Variants in CSMD1 observed in about 807,000 individuals in gnomAD.
CSMD1 encodes CUB and Sushi multiple domains 1.
CSMD1 carries 213 observed loss-of-function variants against 417.5 expected under a neutral mutation model. The observed-to-expected ratio is 0.51, with a 90% CI of 0.46 to 0.57. The LOEUF (loss-of-function observed/expected upper bound fraction) is 0.57. Ranked by LOEUF, CSMD1 falls within the 20% of genes least tolerant of loss-of-function variation. The probability of loss-of-function intolerance (pLI) is 0.00; values close to 1 mark genes in which losing one functional copy is unlikely to be tolerated. For synonymous variants in CSMD1, 2,862 were observed against 1,736.8 expected, an observed-to-expected ratio of 1.65 and a Z score of -16.11; for missense variants, 6,923 against 4,529.7, an observed-to-expected ratio of 1.53 and a Z score of -15.17.
intron 3 of CSMD1, among the ~76,000 whole-genome samples, chr8:4,207,761 A>G (rs1404695193): frequency 6.6e-6 from 1 of 152,272 alleles, no homozygotes; most frequent in African/African-American, 2.4e-5. Flanking sequence ...TCGATAATCT[A>G]CTAGGATAGC....
chr8:2,962,776 C>G (rs530319096), intron 60 of CSMD1, 137 bp from the exon 61 acceptor site: 3 of 879,278 alleles, frequency 3.4e-6, no homozygotes, highest in Non-Finnish European at 3.4e-6. Context: ...AGGCCAGGCA[C>G]GGTGGCTCAC....
chr8:3,746,343 T>C (rs938929897), intron 6 of CSMD1, among the ~76,000 whole-genome samples: 1 of 152,228 alleles, frequency 6.6e-6, no homozygotes, highest in Non-Finnish European at 1.5e-5. Flanking sequence ...CACTGCCAAG[T>C]ATTAATCTGT....
intron 7 of CSMD1, among the ~76,000 whole-genome samples, chr8:3,682,495 C>T (rs746217783): frequency 6.6e-5 from 10 of 152,252 alleles, no homozygotes; most frequent in African/African-American, 2.2e-4. Context: ...CAATGAGATA[C>T]CATCTCACAA....
rs903885381 is a variant in CSMD1, at chr8:4,161,702, C to G, written c.416-129603G>C. Among the ~76,000 whole-genome samples, 3 of 152,236 alleles carry G rather than the reference C, an allele frequency of 2.0e-5. No individual in the cohort carries two copies. The East Asian group carries it at 5.8e-4, about 29-fold the overall frequency. On this transcript the variant is annotated intron_variant, in intron 3 of 69. Coordinates refer to ENST00000635120, the MANE Select transcript of CSMD1 (RefSeq NM_033225.6). The stretch of plus-strand genomic sequence containing the variant: ...TACAATTTAGCAGAAAAATCTGCCA[C>G]GAATCATAAGAAAACCATTGCTGCC...
rs181645362 is a variant in CSMD1 at position 3,459,355 on chromosome 8, G to A, written c.1561+9357C>T. 7.2e-5 allele frequency among the ~76,000 whole-genome samples: 11 copies of A among 152,282 alleles called. No individual in the cohort carries two copies. In the East Asian group the frequency reaches 7.8e-4, roughly 11 times the overall value. On this transcript the variant is annotated intron_variant, in intron 12 of 69. Coordinates refer to ENST00000635120, the MANE Select transcript of CSMD1 (RefSeq NM_033225.6). Reference sequence around the variant, plus strand: ...GCACAGGGTACACAACACAGCGGCCGTAATATGACGGGAATCGCACGGTGG... The same window carrying A: ...GCACAGGGTACACAACACAGCGGCCATAATATGACGGGAATCGCACGGTGG...
intron 3 of CSMD1, among the ~76,000 whole-genome samples, chr8:4,166,103 C>G (rs1479447050): frequency 6.6e-6 from 1 of 152,128 alleles, no homozygotes; most frequent in Non-Finnish European, 1.5e-5. Context: ...ATGATGAGGT[C>G]ATAGAGCAGC....
chr8:3,894,910 G>C (rs962607137), intron 5 of CSMD1, among the ~76,000 whole-genome samples: 2 of 152,152 alleles, frequency 1.3e-5, no homozygotes, highest in East Asian at 1.9e-4. Context: ...TGGGTTCCTA[G>C]TATTCAACAC....
At chr8:4,192,377 C>G (rs961705891) in intron 3 of CSMD1, among the ~76,000 whole-genome samples, 1 of 152,180 alleles carries the variant, frequency 6.6e-6, no homozygotes, top group African/African-American at 2.4e-5. Context: ...GACTCTTTCT[C>G]TTGCTCTCTT....
chr8:4,501,632 C>G (rs1802262708), intron 2 of CSMD1, among the ~76,000 whole-genome samples: 1 of 152,138 alleles, frequency 6.6e-6, no homozygotes, highest in African/African-American at 2.4e-5. Context: ...GCTAGCTGTT[C>G]TGACTAGCGC....
In CSMD1 at chr8:3,806,320, T is replaced by G. The variant is rs535394762; in HGVS notation, c.819-52278A>C. Among the ~76,000 whole-genome samples, 5 of 152,280 alleles carry G rather than the reference T, an allele frequency of 3.3e-5. No individual in the cohort carries two copies. The South Asian group carries it at 1.0e-3, about 32-fold the overall frequency. The stretch of plus-strand genomic sequence containing the variant: ...TGATGGCCTTAATTCTTTGGGTAAT[T>G]AATAGATTCTTTACAACCAAGTATA... On this transcript the variant is annotated intron_variant, in intron 5 of 69. Coordinates refer to ENST00000635120, the MANE Select transcript of CSMD1 (RefSeq NM_033225.6).
At chr8:3,003,512 T>G (rs1039318422) in intron 52 of CSMD1, among the ~76,000 whole-genome samples, 25 of 152,350 alleles carry the variant, frequency 1.6e-4, no homozygotes, top group African/African-American at 5.8e-4. Context: ...ACCTCACCAC[T>G]GGGCAGTCAT....
intron 5 of CSMD1, among the ~76,000 whole-genome samples, chr8:3,921,909 T>C (rs1330227200): frequency 2.6e-5 from 4 of 152,176 alleles, no homozygotes; most frequent in Non-Finnish European, 5.9e-5. Flanking sequence ...ATCTGGTCCA[T>C]ACTGTTGGCC....
chr8:3,995,976 G>A (rs571366626), intron 5 of CSMD1, among the ~76,000 whole-genome samples: 1 of 152,136 alleles, frequency 6.6e-6, no homozygotes, highest in African/African-American at 2.4e-5. Context: ...AGAAGACAGT[G>A]GTAGTCTCTC....
intron 3 of CSMD1, among the ~76,000 whole-genome samples, chr8:4,298,459 T>C (rs1300887218): frequency 6.6e-6 from 1 of 152,136 alleles, no homozygotes; most frequent in Non-Finnish European, 1.5e-5. Flanking sequence ...TACAGGAAAT[T>C]ACTTAGTGAG....
chr8:4,717,598 C>CCATCCATG (rs1455463217), intron 1 of CSMD1, among the ~76,000 whole-genome samples: 1 of 151,074 alleles, frequency 6.6e-6, no homozygotes, highest in African/African-American at 2.4e-5. Context: ...ATCCATCCAT[C>CCATCCATG]CATCCACAAG....
chr8:3,124,017 G>A (rs898540069), intron 41 of CSMD1, among the ~76,000 whole-genome samples: 1 of 152,110 alleles, frequency 6.6e-6, no homozygotes, highest in South Asian at 2.1e-4. Flanking sequence ...ACCGAAATAG[G>A]ACATTTGAAG....
intron 3 of CSMD1, among the ~76,000 whole-genome samples, chr8:4,049,733 A>G (rs1363773936): frequency 1.3e-5 from 2 of 152,178 alleles, no homozygotes; most frequent in Admixed American, 6.5e-5. Context: ...AATTTGTTTT[A>G]AAGTTTAAAA....
intron 49 of CSMD1, among the ~76,000 whole-genome samples, chr8:3,066,448 C>T (rs1163965016): frequency 6.6e-6 from 1 of 152,162 alleles, no homozygotes; most frequent in African/African-American, 2.4e-5. Context: ...TTTGAACAGA[C>T]CCTGCAGCCA....
chr8:3,161,813 C>G (rs927557912), intron 38 of CSMD1, among the ~76,000 whole-genome samples: 4 of 152,046 alleles, frequency 2.6e-5, no homozygotes, highest in African/African-American at 9.7e-5. Context: ...AGCAGGTGCA[C>G]ATACAGAAGC....
Sources: gnomAD v4.1 joint callset for allele counts (sites outside exome capture counted in the v4.1 genomes callset) on GRCh38, gnomAD v4.1.1 for gene constraint, MANE v1.5 for transcripts, NCBI Gene and HGNC (gene_info 2026-07-23, HGNC 2026-07-21) for gene names.